CCT6A: variants seen among roughly 807,000 people sequenced by gnomAD.
The protein encoded by CCT6A is T-complex protein 1 subunit zeta.
Under a neutral mutation model 58.6 loss-of-function variants are expected in CCT6A, and 6 were observed. The observed-to-expected ratio is 0.10, with a 90% CI of 0.06 to 0.20. CCT6A has a LOEUF of 0.20. Ranked by LOEUF, CCT6A falls within the 10% of genes least tolerant of loss-of-function variation. CCT6A has a pLI of 1.00. For synonymous variants in CCT6A, 245 were observed against 227.8 expected (o/e 1.08, Z -0.68); for missense variants, 516 against 648.8 (o/e 0.80, Z 2.22).
rs1794394319 is a variant in CCT6A, at chr7:56,059,789, A to G, written c.1065+149A>G. On this transcript the variant is annotated intron_variant, in intron 9 of 13. Transcript: ENST00000275603. ...CTACAGCCTCATCTTCCTGGGTTCA[A>G]GTGATCCTCCCGCCTCAGGCTTCTG... 4.6e-5 allele frequency: 26 copies of G among 565,864 alleles called. No homozygotes were observed. The South Asian group carries it at 5.3e-4, about 12-fold the overall frequency. 35.1% of individuals were successfully genotyped at this position (565,864 alleles called of 1,614,324 possible). A position where few individuals can be genotyped will look rare whatever the true frequency, so the allele number is the denominator to read the frequency against.
intron 2 of CCT6A, among the ~76,000 whole-genome samples, chr7:56,053,037 C>G (rs893198053): frequency 3.3e-5 from 5 of 152,220 alleles, no homozygotes; most frequent in Admixed American, 2.6e-4. Flanking sequence ...CAGGCGATCC[C>G]CCCGCATCAG....
chr7:56,058,683 A>G lies in CCT6A; in HGVS notation c.949A>G (p.Lys317Glu). The G allele has an allele frequency of 3.2e-6, 5 of 1,587,256 alleles. No homozygotes were observed. Among genetic ancestry groups the G allele is most frequent in the Non-Finnish European group, 4.3e-6 (5 of 1,157,266 alleles). Reference sequence around the variant, plus strand: ...AGGCATAGTTGCTCTGCGCAGAGCTAAAAGGAGAAATATGGAGAGGTATCC... The same window carrying G: ...AGGCATAGTTGCTCTGCGCAGAGCTGAAAGGAGAAATATGGAGAGGTATCC... The part of the protein sequence containing the change: ...KEGIVALRRA[K>E]RRNMERLTLA... Residue 317 changes from lysine (K) to glutamate (E), a missense_variant, in exon 8 of 14, where the codon AAA (lysine) becomes GAA (glutamate). By Grantham distance (56) the Lys-to-Glu change is moderately conservative (BLOSUM62 1). Coordinates refer to ENST00000275603, the MANE Select transcript of CCT6A (RefSeq NM_001762.4).
At chr7:56,061,668 CTTTTTTTTT>C (rs71015174) in intron 11 of CCT6A, 70 bp from the exon 12 acceptor site, 6,294 of 310,524 alleles carry the variant, frequency 0.02, 14 homozygotes, top group Middle Eastern at 0.039. Context: ...TTTCTTTTTT[CTTTTTTTTT>C]TTTTTTTTTT....
At chr7:56,061,668 C>CTTTTTTTTTTT (rs71015174) in intron 11 of CCT6A, 79 bp from the exon 12 acceptor site, 37 of 312,688 alleles carry the variant, frequency 1.2e-4, no homozygotes, top group African/African-American at 5.0e-4. Flanking sequence ...TTTCTTTTTT[C>CTTTTTTTTTTT]TTTTTTTTTT....
At position 56,063,664 on chromosome 7, in the gene CCT6A, G is replaced by A. The variant is rs553406718; in HGVS notation, c.*579G>A. On this transcript the variant is annotated 3_prime_UTR_variant, in exon 14 of 14. Coordinates refer to ENST00000275603, the MANE Select transcript of CCT6A (RefSeq NM_001762.4). ...GGAGTCAACTAGAGGCAAGGGAGTT[G>A]AGAGAGCTGCAACTGTAAAGGGCAA... is the stretch of plus-strand genomic sequence containing the variant. The A allele has an allele frequency of 6.2e-6, 1 of 160,406 alleles. No homozygotes were observed. Among genetic ancestry groups the A allele is most frequent in the South Asian group, 1.7e-4 (1 of 5,836 alleles). The allele number at this position is 160,406 out of a possible 1,614,324, so 9.9% of individuals were successfully genotyped here.
chr7:56,058,767 A>C (rs1242697675), intron 8 of CCT6A, 65 bp downstream of exon 8: 6 of 1,052,848 alleles, frequency 5.7e-6, no homozygotes, highest in Non-Finnish European at 8.7e-6. Context: ...TTTTCCTTAT[A>C]CTTTATTTTT....
At chr7:56,055,520 A>T in intron 3 of CCT6A, 104 bp from the exon 4 acceptor site, 2 of 927,980 alleles carry the variant, frequency 2.2e-6, no homozygotes, top group Non-Finnish European at 3.4e-6. Context: ...TCGTGTTCAA[A>T]GGTATGATGA....
At chr7:56,058,212 G>T (rs1160854684) in intron 6 of CCT6A, 109 bp downstream of exon 6, 8 of 873,482 alleles carry the variant, frequency 9.2e-6, no homozygotes, top group African/African-American at 1.7e-5. Context: ...GCTCAAATTG[G>T]TTTGGGGGAG....
chr7:56,055,281 A>G (rs1794281805), intron 3 of CCT6A: 2 of 283,368 alleles, frequency 7.1e-6, no homozygotes, highest in African/African-American at 4.4e-5. Flanking sequence ...TCTCAAAAAA[A>G]ATGAAAGAAA....
rs149217473 is a variant in CCT6A at position 56,052,450 on chromosome 7, C to G, written c.166C>G (p.Leu56Val). ...CGTTTCTGGCGCTGGAGACATCAAACTTACTAAAGACGGCAATGTGCTGCT... is the reference window on the plus strand; with the variant it reads ...CGTTTCTGGCGCTGGAGACATCAAAGTTACTAAAGACGGCAATGTGCTGCT... ...MLVSGAGDIK[L>V]TKDGNVLLHE... Residue 56 changes from leucine to valine, a missense_variant, in exon 2 of 14, where the codon CTT becomes GTT. Transcript: ENST00000275603. 5.0e-6 allele frequency: 8 copies of G among 1,614,054 alleles called. No homozygotes were observed. The African/African-American group carries it at 9.3e-5, about 19-fold the overall frequency.
At chr7:56,061,133 A>G (rs1794422527) in intron 11 of CCT6A, among the ~76,000 whole-genome samples, 193 bp downstream of exon 11, 1 of 152,228 alleles carries the variant, frequency 6.6e-6, no homozygotes, top group Non-Finnish European at 1.5e-5. Flanking sequence ...CTGACATTGC[A>G]GATGGCAAGA....
intron 8 of CCT6A, chr7:56,058,972 C>T (rs1198280662): frequency 8.3e-6 from 2 of 242,354 alleles, no homozygotes; most frequent in Non-Finnish European, 7.9e-6. Context: ...ATTCAATATA[C>T]TTTTTTCCAA....
Position 56,054,140 on chromosome 7 carries a change from G to A in CCT6A, c.202-229G>A, listed in dbSNP as rs117734251. Among the ~76,000 whole-genome samples, 1,431 of 151,830 alleles carry A rather than the reference G, an allele frequency of 9.4e-3. 11 individuals are homozygous for A. The highest frequency in any genetic ancestry group is 0.018 in the South Asian group (88 of 4,790). ...TGAGTAAACTTCTACTGAGCCTCAA[G>A]CTTCCTCATCTGTAAAGTAGAGATA... On this transcript the variant is annotated intron_variant, in intron 2 of 13. Coordinates refer to ENST00000275603, the MANE Select transcript of CCT6A (RefSeq NM_001762.4).
At chr7:56,053,814 G>C (rs1794245025) in intron 2 of CCT6A, among the ~76,000 whole-genome samples, 1 of 152,172 alleles carries the variant, frequency 6.6e-6, no homozygotes, top group African/African-American at 2.4e-5. Flanking sequence ...CGTAGGTAGA[G>C]AGAAGCACAT....
rs1271718907 is a variant in CCT6A at position 56,060,960 on chromosome 7, T to TA, written c.1347+20_1347+21insA. 6.3e-7 allele frequency: 1 copy of TA among 1,578,656 alleles called. No homozygotes were observed. Among genetic ancestry groups the TA allele is most frequent in the East Asian group, 2.2e-5 (1 of 44,478 alleles). On this transcript the variant is annotated intron_variant, in intron 11 of 13. Coordinates refer to ENST00000275603, the MANE Select transcript of CCT6A (RefSeq NM_001762.4). The stretch of plus-strand genomic sequence containing the variant: ...CCCAAGGTGTGCATGCTTTTAACAG[T>TA]CAATCTTCCAAAAGATTCAGCTGAT...
intron 13 of CCT6A, 63 bp downstream of exon 13, chr7:56,062,818 C>T: frequency 7.2e-7 from 1 of 1,397,440 alleles, no homozygotes; most frequent in African/African-American, 1.4e-5. Flanking sequence ...TTGGTGTTCT[C>T]TGTTTAGTTG....
chr7:56,057,602 C>T (rs1165080019), intron 5 of CCT6A, among the ~76,000 whole-genome samples: 4 of 152,110 alleles, frequency 2.6e-5, no homozygotes, highest in African/African-American at 7.2e-5. Flanking sequence ...AGAAATAGGC[C>T]GGGCGCAGTG....
Position 56,051,893 on chromosome 7 carries a change from A to G in CCT6A, c.45A>G (p.Arg15=), listed in dbSNP as rs1227680695. The G allele has an allele frequency of 1.9e-6, 3 of 1,557,476 alleles. No individual in the cohort carries two copies. The highest frequency in any genetic ancestry group is 2.6e-6 in the Non-Finnish European group (3 of 1,151,108). ...KTLNPKAEVA[R]AQAALAVNIS... ...TGAACCCCAAGGCCGAGGTGGCCCGAGCGCAGGCGGCGCTGGCGGTCAACA... is the reference window on the plus strand; with the variant it reads ...TGAACCCCAAGGCCGAGGTGGCCCGGGCGCAGGCGGCGCTGGCGGTCAACA... Residue 15 remains arginine, a synonymous_variant, in exon 1 of 14, where the codon CGA becomes CGG. Coordinates refer to ENST00000275603, the MANE Select transcript of CCT6A (RefSeq NM_001762.4).
chr7:56,054,456 C>A lies in CCT6A; in HGVS notation c.289C>A (p.Leu97Ile), dbSNP rs763380767. 6.2e-7 allele frequency: 1 copy of A among 1,613,272 alleles called. No individual in the cohort carries two copies. Among genetic ancestry groups the A allele is most frequent in the African/African-American group, 1.3e-5 (1 of 74,916 alleles). ...TGGTGATGGTACGACTTCTAATGTC[C>A]TAATCATTGGAGAGCTGCTGAAACA... ...ITGDGTTSNVLIIGELLKQAD... is the reference protein window; with the variant it reads ...ITGDGTTSNVIIIGELLKQAD... Residue 97 changes from leucine (L) to isoleucine (I), a missense_variant, in exon 3 of 14, where the codon CTA (leucine) becomes ATA (isoleucine). Transcript: ENST00000275603.
Sources: allele counts gnomAD v4.1 joint callset (sites outside exome capture counted in the v4.1 genomes callset), GRCh38; gene constraint gnomAD v4.1.1; transcripts MANE v1.5; gene names NCBI Gene and HGNC (gene_info 2026-07-23, HGNC 2026-07-21).